SCFD2: variants seen among roughly 807,000 people sequenced by gnomAD.
SCFD2 encodes sec1 family domain-containing protein 2.
Under a neutral mutation model 58.9 loss-of-function variants are expected in SCFD2, and 54 were observed. The ratio of observed to expected loss-of-function variants is 0.92; its 90% CI spans 0.74 to 1.15. SCFD2 has a LOEUF of 1.15. SCFD2 is among the 50% of genes most tolerant of loss of function. The pLI is 0.00. For synonymous variants in SCFD2, 321 were observed against 335.9 expected, an observed-to-expected ratio of 0.96 and a Z score of 0.49; for missense variants, 805 against 836.6, an observed-to-expected ratio of 0.96 and a Z score of 0.47.
At chr4:53,337,040 T>C (rs1279516705) in intron 2 of SCFD2, among the ~76,000 whole-genome samples, 5 of 95,848 alleles carry the variant, frequency 5.2e-5, no homozygotes, top group Admixed American at 1.1e-4. Context: ...ATGATGGGTG[T>C]ATTAGTCTAC....
chr4:53,344,819 T>A (rs1158316975), intron 2 of SCFD2, among the ~76,000 whole-genome samples: 1 of 152,180 alleles, frequency 6.6e-6, no homozygotes, highest in Non-Finnish European at 1.5e-5. Flanking sequence ...ACCTGACTTT[T>A]GACAAACCTG....
chr4:53,365,310 T>C lies in SCFD2; in HGVS notation c.632A>G (p.Glu211Gly). Reference protein sequence around the residue: ...GDVDSTTLTPELLLQIRCLVS... With the variant: ...GDVDSTTLTPGLLLQIRCLVS... Reference sequence around the variant, plus strand: ...TAGGCATCTGATCTGCAGCAGCAGCTCTGGGGTTAGCGTAGTGGAGTCCAC... The same window carrying C: ...TAGGCATCTGATCTGCAGCAGCAGCCCTGGGGTTAGCGTAGTGGAGTCCAC... Residue 211 changes from glutamate to glycine, a missense_variant, in exon 1 of 9, where the codon GAG (glutamate) becomes GGG (glycine). Glu to Gly is a moderately conservative substitution (Grantham distance 98). Coordinates refer to ENST00000401642, the MANE Select transcript of SCFD2 (RefSeq NM_152540.4). This position sits in a 1 kb window ranked among gnomAD's most constrained non-coding sequence, Gnocchi z 4.3. 6.2e-7 allele frequency: 1 copy of C among 1,614,198 alleles called. No homozygotes were observed. Among genetic ancestry groups the C allele is most frequent in the East Asian group, 2.2e-5 (1 of 44,892 alleles).
chr4:53,318,598 T>G (rs1033811029), intron 2 of SCFD2, among the ~76,000 whole-genome samples: 3 of 152,184 alleles, frequency 2.0e-5, no homozygotes, highest in African/African-American at 7.2e-5. Flanking sequence ...AAACTCTGAT[T>G]GGACTCTATT....
chr4:53,229,602 C>T (rs1257181847), intron 4 of SCFD2, among the ~76,000 whole-genome samples: 3 of 152,166 alleles, frequency 2.0e-5, no homozygotes, highest in African/African-American at 4.8e-5. Flanking sequence ...CTTCCTTACA[C>T]CTTATACAAA....
intron 2 of SCFD2, among the ~76,000 whole-genome samples, chr4:53,348,385 G>T (rs1185278480): frequency 6.6e-6 from 1 of 152,100 alleles, no homozygotes; most frequent in Non-Finnish European, 1.5e-5. Context: ...ATTTCATTGA[G>T]AAGTTTCTGG....
At chr4:52,999,884 G>A (rs1721828011) in intron 5 of SCFD2, among the ~76,000 whole-genome samples, 1 of 152,238 alleles carries the variant, frequency 6.6e-6, no homozygotes, top group Non-Finnish European at 1.5e-5. Context: ...CTCCTGGGCT[G>A]TTCTGTGCAA....
chr4:53,349,635 G>A (rs1029126207), intron 2 of SCFD2, among the ~76,000 whole-genome samples: 1 of 152,172 alleles, frequency 6.6e-6, no homozygotes, highest in African/African-American at 2.4e-5. Context: ...TTCCAAGATT[G>A]GCTTAGCCTT....
intron 8 of SCFD2, among the ~76,000 whole-genome samples, chr4:52,877,776 A>G (rs1035301291): frequency 1.4e-4 from 22 of 152,150 alleles, no homozygotes; most frequent in Non-Finnish European, 2.6e-4. Context: ...AGTGACCCCA[A>G]GTGTGAATCT....
intron 5 of SCFD2, among the ~76,000 whole-genome samples, chr4:53,143,445 T>C (rs552087792): frequency 1.3e-5 from 2 of 152,328 alleles, no homozygotes; most frequent in African/African-American, 4.8e-5. Context: ...CAATCACATA[T>C]AGTGTTATAC....
intron 4 of SCFD2, among the ~76,000 whole-genome samples, chr4:53,155,322 G>A (rs1726643377): frequency 6.6e-6 from 1 of 152,184 alleles, no homozygotes. Context: ...CCTCATGGGT[G>A]GGACTGGTGC....
Position 53,365,053 on chromosome 4 carries a change from T to C in SCFD2, c.838+51A>G. 1.9e-6 allele frequency: 3 copies of C among 1,560,012 alleles called. No individual in the cohort carries two copies. Among genetic ancestry groups the C allele is most frequent in the Non-Finnish European group, 1.7e-6 (2 of 1,155,456 alleles). ...AAAATATATGCTGAATCAATGAAAG[T>C]CCCAGCAATGTGGGGAATGGTAATG... On this transcript the variant is annotated intron_variant, in intron 1 of 8. Transcript: ENST00000401642. The surrounding 1 kb of genome is among the most constrained non-coding windows in gnomAD (Gnocchi z 4.3).
At chr4:53,237,368 C>A (rs1167507853) in intron 4 of SCFD2, among the ~76,000 whole-genome samples, 2 of 151,678 alleles carry the variant, frequency 1.3e-5, no homozygotes, top group African/African-American at 4.9e-5. Context: ...ACCTCCCAGA[C>A]GGGGTGGTGG....
intron 4 of SCFD2, among the ~76,000 whole-genome samples, chr4:53,272,369 A>G (rs1162945621): frequency 2.6e-5 from 4 of 152,210 alleles, no homozygotes; most frequent in Non-Finnish European, 5.9e-5. Context: ...CCAAAGGATT[A>G]GAAATCATGC....
At chr4:53,344,988 T>C (rs1270557994) in intron 2 of SCFD2, among the ~76,000 whole-genome samples, 3 of 152,086 alleles carry the variant, frequency 2.0e-5, no homozygotes, top group Admixed American at 6.5e-5. Flanking sequence ...CCTAAAACCA[T>C]AAAAACCCTA....
At chr4:53,042,566 A>G (rs1433487041) in intron 5 of SCFD2, among the ~76,000 whole-genome samples, 1 of 152,212 alleles carries the variant, frequency 6.6e-6, no homozygotes, top group Non-Finnish European at 1.5e-5. Flanking sequence ...TACAATACAC[A>G]AATAAATAAA....
intron 5 of SCFD2, among the ~76,000 whole-genome samples, chr4:52,958,916 T>C (rs1358265773): frequency 2.0e-5 from 3 of 152,242 alleles, no homozygotes; most frequent in African/African-American, 7.2e-5. Flanking sequence ...GAACTCATTA[T>C]GTATTAGGCA....
intron 5 of SCFD2, among the ~76,000 whole-genome samples, chr4:52,992,556 G>A (rs1414464502): frequency 2.7e-5 from 4 of 150,050 alleles, no homozygotes; most frequent in Admixed American, 1.3e-4. Context: ...ACCTCTTCCC[G>A]GCCGCCATCC....
intron 8 of SCFD2, among the ~76,000 whole-genome samples, chr4:52,885,056 G>A (rs571166268): frequency 9.5e-4 from 144 of 152,208 alleles, no homozygotes; most frequent in Non-Finnish European, 1.4e-3. Context: ...AAATAGAAAC[G>A]TCTATGTTCT....
At position 53,348,889 on chromosome 4, in the gene SCFD2, A is replaced by AT. The variant is rs575020010; in HGVS notation, c.1007+3708dup. Among the ~76,000 whole-genome samples, 677 of 148,116 alleles carry AT rather than the reference A, an allele frequency of 4.6e-3. 1 individual carries two copies. Among genetic ancestry groups the AT allele is most frequent in the Admixed American group, 7.9e-3 (117 of 14,794 alleles). ...GCCACCATGCCTGGCTAATTTTTGT[A>AT]TTTTTTTTTTAAGTAAAGATGGGGT... On this transcript the variant is annotated intron_variant, in intron 2 of 8. Coordinates refer to ENST00000401642, the MANE Select transcript of SCFD2 (RefSeq NM_152540.4).
Sources: allele counts gnomAD v4.1 joint callset (sites outside exome capture counted in the v4.1 genomes callset), GRCh38; gene constraint gnomAD v4.1.1; non-coding constraint Gnocchi (gnomAD v3.1); transcripts MANE v1.5; gene names NCBI Gene and HGNC (gene_info 2026-07-23, HGNC 2026-07-21).